The following DNAH14 variants were observed in gnomAD, a reference collection of about 807,000 sequenced individuals.
DNAH14 encodes dynein axonemal heavy chain 14, also known as axonemal beta dynein heavy chain 14.
In DNAH14, 478 loss-of-function variants were observed where a neutral mutation model predicts 520.9. The observed-to-expected ratio is 0.92, with a 90% CI of 0.85 to 0.99. The LOEUF is 0.99. Among genes scored for constraint, DNAH14 ranks in the 50% least tolerant of loss-of-function variants. The pLI is 0.00. For missense variants in DNAH14, 4,831 were observed against 5,234.5 expected (o/e 0.92, Z 2.38); for synonymous variants, 1,581 against 1,757.2 (o/e 0.90, Z 2.51).
intron 36 of DNAH14, among the ~76,000 whole-genome samples, chr1:225,180,800 T>G (rs916652984): frequency 2.0e-5 from 3 of 152,226 alleles, no homozygotes; most frequent in African/African-American, 7.2e-5. Context: ...GATCTGCTAT[T>G]AAGACCCTCT....
chr1:225,033,641 AG>A (rs1261628650), intron 11 of DNAH14, among the ~76,000 whole-genome samples: 2 of 152,148 alleles, frequency 1.3e-5, no homozygotes, highest in African/African-American at 4.8e-5. Flanking sequence ...TGATAGGAAT[AG>A]CATTGAATCT....
chr1:225,238,831 T>A (rs1392087286), intron 42 of DNAH14, among the ~76,000 whole-genome samples: 1 of 152,112 alleles, frequency 6.6e-6, no homozygotes, highest in Non-Finnish European at 1.5e-5. Context: ...CTGAAACCTC[T>A]GCATGGAGGC....
At chr1:224,950,994 C>T (rs2125483522) in intron 1 of DNAH14, among the ~76,000 whole-genome samples, 1 of 152,222 alleles carries the variant, frequency 6.6e-6, no homozygotes, top group African/African-American at 2.4e-5. Flanking sequence ...TGCCTTTTGA[C>T]TCACAAAGTC....
chr1:225,189,179 C>T (rs370121210), intron 37 of DNAH14, among the ~76,000 whole-genome samples: 17 of 151,634 alleles, frequency 1.1e-4, no homozygotes, highest in African/African-American at 4.1e-4. Flanking sequence ...TTGAACTACC[C>T]TTGCATTCCT....
intron 46 of DNAH14, among the ~76,000 whole-genome samples, chr1:225,261,737 T>C (rs1454970302): frequency 6.6e-6 from 1 of 152,122 alleles, no homozygotes; most frequent in African/African-American, 2.4e-5. Context: ...CTTTAAATAA[T>C]TGGTAGAATT....
At chr1:225,328,768 C>A (rs368067528) in intron 64 of DNAH14, among the ~76,000 whole-genome samples, 1 of 151,956 alleles carries the variant, frequency 6.6e-6, no homozygotes, top group African/African-American at 2.4e-5. Context: ...AGGCCCCATG[C>A]GTTAATATGT....
chr1:225,046,513 A>G (rs1454518771), intron 15 of DNAH14, among the ~76,000 whole-genome samples: 1 of 152,186 alleles, frequency 6.6e-6, no homozygotes, highest in African/African-American at 2.4e-5. Context: ...AATTTTTCTC[A>G]GATGACTAAT....
intron 61 of DNAH14, among the ~76,000 whole-genome samples, chr1:225,322,186 G>A (rs2094570166): frequency 6.7e-6 from 1 of 148,294 alleles, no homozygotes; most frequent in African/African-American, 2.5e-5. Context: ...TGCCTCCTGG[G>A]TTCAAGCAAT....
intron 1 of DNAH14, among the ~76,000 whole-genome samples, chr1:224,933,051 C>A (rs922596515): frequency 3.3e-5 from 5 of 152,026 alleles, no homozygotes; most frequent in Non-Finnish European, 1.5e-5. Context: ...TTAATTCTTC[C>A]TATCCATGAG....
intron 27 of DNAH14, 61 bp from the exon 28 acceptor site, chr1:225,140,707 T>C (rs1365326267): frequency 2.4e-6 from 3 of 1,224,616 alleles, no homozygotes; most frequent in Non-Finnish European, 3.3e-6. Context: ...GAATAAAATT[T>C]ATGCTTCAAT....
intron 65 of DNAH14, 133 bp from the exon 66 acceptor site, chr1:225,333,158 C>A: frequency 1.4e-6 from 1 of 718,328 alleles, no homozygotes; most frequent in Non-Finnish European, 2.2e-6. Flanking sequence ...CCATTATTAA[C>A]TTTGATACAG....
chr1:225,383,792 G>C (rs2095806934), intron 81 of DNAH14, among the ~76,000 whole-genome samples: 1 of 152,204 alleles, frequency 6.6e-6, no homozygotes, highest in South Asian at 2.1e-4. Flanking sequence ...TTTTGAATGT[G>C]TCTGCTCTTG....
chr1:225,239,608 G>A (rs965290627), intron 42 of DNAH14, among the ~76,000 whole-genome samples: 4 of 152,144 alleles, frequency 2.6e-5, no homozygotes, highest in Admixed American at 1.3e-4. Flanking sequence ...AAGGGTGGCC[G>A]CTGCTTCTAA....
intron 3 of DNAH14, among the ~76,000 whole-genome samples, chr1:224,957,492 T>C (rs1325910025): frequency 6.6e-6 from 1 of 151,036 alleles, no homozygotes; most frequent in African/African-American, 2.4e-5. Flanking sequence ...CCAGTGAGAA[T>C]GTATAAAGTG....
At chr1:225,022,544 T>C (rs1360321348) in intron 10 of DNAH14, among the ~76,000 whole-genome samples, 1 of 152,002 alleles carries the variant, frequency 6.6e-6, no homozygotes, top group Non-Finnish European at 1.5e-5. Context: ...AAAACCAAAA[T>C]GAGTTAACAT....
Position 225,042,837 on chromosome 1 carries a change from T to C in DNAH14, c.1491T>C (p.Ile497=). 6.5e-7 allele frequency: 1 copy of C among 1,547,240 alleles called. No homozygotes were observed. Among genetic ancestry groups the C allele is most frequent in the Non-Finnish European group, 8.7e-7 (1 of 1,144,646 alleles). Residue 497 remains isoleucine (I), a splice_region_variant and synonymous_variant, in exon 13 of 86, where the codon ATT becomes ATC. Transcript: ENST00000682510. ...CCTCACATTATCCGTTAAATTAGAT[T>C]TTGAATAGTGTTGAAGTGGGGAAGG... is the stretch of plus-strand genomic sequence containing the variant. The part of the protein sequence containing the change: ...EVKTDTDINE[I]LNSVEVGKDL...
chr1:225,151,952 T>G, intron 31 of DNAH14, 53 bp from the exon 32 acceptor site: 1 of 1,414,064 alleles, frequency 7.1e-7, no homozygotes. Context: ...AGTTTTAACA[T>G]GCTTTGGACT....
intron 8 of DNAH14, among the ~76,000 whole-genome samples, chr1:224,988,230 C>T (rs905069790): frequency 1.3e-5 from 2 of 152,148 alleles, no homozygotes; most frequent in Non-Finnish European, 2.9e-5. Flanking sequence ...AAGATATGAT[C>T]TTGTTCCTTT....
intron 44 of DNAH14, 85 bp from the exon 45 acceptor site, chr1:225,257,875 T>G: frequency 9.0e-7 from 1 of 1,108,702 alleles, no homozygotes; most frequent in South Asian, 1.6e-5. Context: ...GAAAATAAAA[T>G]AATCCTAATG....
Sources: gnomAD v4.1 joint callset for allele counts (sites outside exome capture counted in the v4.1 genomes callset) on GRCh38, gnomAD v4.1.1 for gene constraint, MANE v1.5 for transcripts, NCBI Gene and HGNC (gene_info 2026-07-23, HGNC 2026-07-21) for gene names.